SPNS3: variants seen among roughly 807,000 people sequenced by gnomAD.
SPNS3 encodes the protein protein spinster homolog 3.
Under a neutral mutation model 54.4 loss-of-function variants are expected in SPNS3, and 51 were observed. That is an observed-to-expected ratio of 0.94 (90% CI 0.75 to 1.18). The LOEUF is 1.18. Among genes scored for constraint, SPNS3 ranks in the 50% most tolerant of loss-of-function variants. The pLI is 0.00. For synonymous variants in SPNS3, 309 were observed against 294.7 expected (o/e 1.05, Z -0.50); for missense variants, 669 against 677.4 (o/e 0.99, Z 0.14).
At chr17:4,438,584 G>A (rs1479552290) in intron 1 of SPNS3, among the ~76,000 whole-genome samples, 3 of 152,226 alleles carry the variant, frequency 2.0e-5, no homozygotes, top group African/African-American at 4.8e-5. Context: ...TCTACATTAG[G>A]CTGGGTGCCC....
intron 9 of SPNS3, among the ~76,000 whole-genome samples, chr17:4,481,714 G>T (rs528859250): frequency 6.6e-6 from 1 of 152,244 alleles, no homozygotes; most frequent in South Asian, 2.1e-4. Context: ...AACCTCTCTG[G>T]GTCTTGGTTT....
chr17:4,445,246 C>T (rs1970953771), intron 3 of SPNS3, 78 bp downstream of exon 3: 3 of 1,440,546 alleles, frequency 2.1e-6, no homozygotes, highest in East Asian at 2.3e-5. Flanking sequence ...CCCGTCAGAG[C>T]TGCGTGGGGA....
chr17:4,448,387 A>G (rs1971060777), intron 6 of SPNS3, 84 bp downstream of exon 6: 1 of 1,330,914 alleles, frequency 7.5e-7, no homozygotes, highest in East Asian at 2.9e-5. Flanking sequence ...CTCCACCTCC[A>G]GGGAGCCCTC....
chr17:4,439,599 G>A, intron 1 of SPNS3, 59 bp from the exon 2 acceptor site: 2 of 1,543,396 alleles, frequency 1.3e-6, no homozygotes, highest in Admixed American at 1.8e-5. Flanking sequence ...TGGAGCAGCT[G>A]CCTTTAGAGG....
At chr17:4,456,792 G>A (rs1298854393) in intron 8 of SPNS3, among the ~76,000 whole-genome samples, 1 of 152,004 alleles carries the variant, frequency 6.6e-6, no homozygotes, top group African/African-American at 2.4e-5. Flanking sequence ...TCAGCTCACT[G>A]CAACCTCTGC....
intron 8 of SPNS3, among the ~76,000 whole-genome samples, chr17:4,466,860 A>C (rs1344061968): frequency 1.3e-5 from 2 of 152,118 alleles, no homozygotes; most frequent in Non-Finnish European, 1.5e-5. Flanking sequence ...TAAACAAACA[A>C]ACACCATAGT....
intron 5 of SPNS3, among the ~76,000 whole-genome samples, chr17:4,447,544 T>A (rs1388803667): frequency 6.6e-6 from 1 of 152,142 alleles, no homozygotes; most frequent in Non-Finnish European, 1.5e-5. Flanking sequence ...CGCAGACCAC[T>A]GTGGAGCCAG....
At chr17:4,481,715 G>A (rs1487000602) in intron 9 of SPNS3, among the ~76,000 whole-genome samples, 9 of 152,150 alleles carry the variant, frequency 5.9e-5, no homozygotes, top group Non-Finnish European at 1.3e-4. Context: ...ACCTCTCTGG[G>A]TCTTGGTTTG....
intron 11 of SPNS3, among the ~76,000 whole-genome samples, chr17:4,487,103 C>T (rs1176388212): frequency 7.6e-6 from 1 of 132,366 alleles, no homozygotes; most frequent in African/African-American, 2.8e-5. Context: ...ACCCGGGAGG[C>T]GGAGGCTATA....
In SPNS3 at chr17:4,478,550, C is replaced by T. The variant is rs778022779; in HGVS notation, c.1114-22C>T. Reference sequence around the variant, plus strand: ...GTGACTGGGATCTGGGAATCCTCACCCAGGCCACCCTCTGTCCACAGGTGT... The same window carrying T: ...GTGACTGGGATCTGGGAATCCTCACTCAGGCCACCCTCTGTCCACAGGTGT... On this transcript the variant is annotated intron_variant, in intron 8 of 11. Coordinates refer to ENST00000355530, the MANE Select transcript of SPNS3 (RefSeq NM_182538.5). The T allele has an allele frequency of 3.8e-6, 6 of 1,558,610 alleles. No individual in the cohort carries two copies. In the South Asian group the frequency reaches 5.9e-5, roughly 15 times the overall value.
chr17:4,473,799 C>T (rs1424740594), intron 8 of SPNS3, among the ~76,000 whole-genome samples: 2 of 152,170 alleles, frequency 1.3e-5, no homozygotes, highest in African/African-American at 4.8e-5. Flanking sequence ...TCAGCCAGGA[C>T]GTGGTCCACC....
intron 8 of SPNS3, among the ~76,000 whole-genome samples, chr17:4,469,501 C>A (rs1364415671): frequency 1.3e-5 from 2 of 151,876 alleles, no homozygotes; most frequent in Non-Finnish European, 2.9e-5. Flanking sequence ...TGCCTGCAGT[C>A]CCAGTTCCTT....
intron 8 of SPNS3, among the ~76,000 whole-genome samples, chr17:4,457,748 CT>C (rs369887199): frequency 0.16 from 23,930 of 152,128 alleles, 1,904 homozygotes; most frequent in Middle Eastern, 0.22. Flanking sequence ...CTGCCCCCCC[CT>C]CACCCCCTGC....
At chr17:4,448,662 G>T (rs1446637146) in intron 6 of SPNS3, among the ~76,000 whole-genome samples, 1 of 152,252 alleles carries the variant, frequency 6.6e-6, no homozygotes, top group Admixed American at 6.5e-5. Flanking sequence ...CTGGGAGGAT[G>T]CTGGGAATTC....
intron 8 of SPNS3, among the ~76,000 whole-genome samples, chr17:4,467,337 G>A (rs1000442214): frequency 7.9e-5 from 12 of 152,106 alleles, no homozygotes; most frequent in Non-Finnish European, 2.9e-5. Context: ...AAACTTCGTG[G>A]CTTAAAACAA....
At chr17:4,467,700 G>A (rs1246738972) in intron 8 of SPNS3, among the ~76,000 whole-genome samples, 1 of 152,108 alleles carries the variant, frequency 6.6e-6, no homozygotes, top group East Asian at 1.9e-4. Context: ...ACAGAATCTC[G>A]CTCTGTCGCC....
intron 1 of SPNS3, among the ~76,000 whole-genome samples, chr17:4,437,444 A>C (rs1010529260): frequency 1.3e-5 from 2 of 152,128 alleles, no homozygotes; most frequent in African/African-American, 4.8e-5. Context: ...AGGCAGGTGG[A>C]TCACCTGAGA....
At chr17:4,452,275 T>C (rs909150452) in intron 7 of SPNS3, among the ~76,000 whole-genome samples, 19 of 152,172 alleles carry the variant, frequency 1.2e-4, no homozygotes, top group Non-Finnish European at 2.8e-4. Context: ...TTAAAAATTT[T>C]TTGTAGAGAC....
At chr17:4,454,793 T>C (rs529751024) in intron 8 of SPNS3, among the ~76,000 whole-genome samples, 10 of 149,126 alleles carry the variant, frequency 6.7e-5, no homozygotes, top group Non-Finnish European at 1.0e-4. Flanking sequence ...GCTAATTTTT[T>C]TGTGTATTTT....
Sources: gnomAD v4.1 joint callset for allele counts (sites outside exome capture counted in the v4.1 genomes callset) on GRCh38, gnomAD v4.1.1 for gene constraint, MANE v1.5 for transcripts, NCBI Gene and HGNC (gene_info 2026-07-23, HGNC 2026-07-21) for gene names.